The following EXTL3 variants were observed in gnomAD, a reference collection of about 807,000 sequenced individuals.
EXTL3 encodes the protein exostosin like glycosyltransferase 3, also known as exostosin-like 3.
In EXTL3, 27 loss-of-function variants were observed where a neutral mutation model predicts 69.3. The ratio of observed to expected loss-of-function variants is 0.39; its 90% CI spans 0.29 to 0.54. The LOEUF (loss-of-function observed/expected upper bound fraction) is 0.54. EXTL3 is among the 20% of genes least tolerant of loss of function. The pLI, the probability that EXTL3 is intolerant of heterozygous loss-of-function variation, is 0.69. For synonymous variants in EXTL3, 511 were observed against 499.4 expected (o/e 1.02, Z -0.31); for missense variants, 1,003 against 1,231.8 (o/e 0.81, Z 2.78).
intron 4 of EXTL3, among the ~76,000 whole-genome samples, chr8:28,736,201 C>T (rs1462594030): frequency 1.3e-5 from 2 of 152,050 alleles, no homozygotes; most frequent in African/African-American, 4.8e-5. Flanking sequence ...CTAAAAAAAC[C>T]CACCTAGAAG....
chr8:28,609,451 C>T (rs915591850), intron 2 of EXTL3, among the ~76,000 whole-genome samples: 2 of 151,768 alleles, frequency 1.3e-5, no homozygotes, highest in East Asian at 3.9e-4. Context: ...AAAAAGAAAT[C>T]TAGGGAAATT....
chr8:28,708,426 CT>C (rs71549693), intron 1 of EXTL3, among the ~76,000 whole-genome samples: 3,990 of 118,736 alleles, frequency 0.034, 177 homozygotes, highest in African/African-American at 0.11. Flanking sequence ...TGGGAAGTGC[CT>C]TTTTTTTTTT....
intron 1 of EXTL3, among the ~76,000 whole-genome samples, chr8:28,646,264 CTG>C (rs1441841362): frequency 2.6e-5 from 4 of 152,120 alleles, no homozygotes; most frequent in African/African-American, 9.7e-5. Context: ...AAATAAATAA[CTG>C]TTAATAGTTG....
intron 2 of EXTL3, among the ~76,000 whole-genome samples, chr8:28,609,854 C>T (rs1806248785): frequency 6.7e-6 from 1 of 149,664 alleles, no homozygotes; most frequent in African/African-American, 2.5e-5. Context: ...GGAGCTACTG[C>T]ACTCCAGCCT....
At chr8:28,675,048 TG>T (rs1260995034) in intron 1 of EXTL3, among the ~76,000 whole-genome samples, 1 of 152,152 alleles carries the variant, frequency 6.6e-6, no homozygotes, top group African/African-American at 2.4e-5. Flanking sequence ...TGCACTCCAC[TG>T]AACTACTTGA....
Position 28,716,182 on chromosome 8 carries a change from C to G in EXTL3, c.123C>G (p.Val41=). 8.1e-6 allele frequency: 13 copies of G among 1,614,180 alleles called. No homozygotes were observed. The highest frequency in any genetic ancestry group is 1.1e-5 in the Non-Finnish European group (13 of 1,180,040). Residue 41 remains valine (V), a synonymous_variant, in exon 3 of 7, where the codon GTC becomes GTG. Coordinates refer to ENST00000220562, the MANE Select transcript of EXTL3 (RefSeq NM_001440.4). This position sits in a 1 kb window ranked among gnomAD's most constrained non-coding sequence, Gnocchi z 7.1. ...WLSFTLFVIL[V]FFPLIAHYYL... Reference sequence around the variant, plus strand: ...GCTTCACGCTCTTTGTCATCCTGGTCTTCTTCCCGCTCATCGCCCACTATT... The same window carrying G: ...GCTTCACGCTCTTTGTCATCCTGGTGTTCTTCCCGCTCATCGCCCACTATT...
chr8:28,650,027 C>G (rs1461602747), intron 1 of EXTL3, among the ~76,000 whole-genome samples: 2 of 151,880 alleles, frequency 1.3e-5, no homozygotes, highest in Non-Finnish European at 2.9e-5. Context: ...GAAACCCCAT[C>G]TCTACTAAAA....
chr8:28,716,057 C>A lies in EXTL3; in HGVS notation c.-3C>A. On this transcript the variant is annotated 5_prime_UTR_variant, in exon 3 of 7. Coordinates refer to ENST00000220562, the MANE Select transcript of EXTL3 (RefSeq NM_001440.4). This position sits in a 1 kb window ranked among gnomAD's most constrained non-coding sequence, Gnocchi z 7.1. The stretch of plus-strand genomic sequence containing the variant: ...GATCTGGGGGGCAGGCTGCAGAGGA[C>A]TCATGACAGGCTATACCATGCTGCG... 1 of 1,601,136 alleles carries A rather than the reference C, an allele frequency of 6.2e-7. No homozygotes were observed. The highest frequency in any genetic ancestry group is 8.5e-7 in the Non-Finnish European group (1 of 1,176,514).
At chr8:28,742,758 G>A in intron 5 of EXTL3, 1 of 258,088 alleles carries the variant, frequency 3.9e-6, no homozygotes, top group African/African-American at 2.3e-5. Context: ...GCCATTGTTA[G>A]AGATAAAATA....
chr8:28,733,297 G>C (rs756740084), intron 4 of EXTL3, among the ~76,000 whole-genome samples: 1 of 151,870 alleles, frequency 6.6e-6, no homozygotes, highest in Non-Finnish European at 1.5e-5. Context: ...CCACATCTTC[G>C]TCAATGCTTG....
upstream of EXTL3, among the ~76,000 whole-genome samples, chr8:28,618,986 G>A (rs918957747): frequency 6.6e-6 from 1 of 151,202 alleles, no homozygotes; most frequent in African/African-American, 2.4e-5. Context: ...CAGCTACTAG[G>A]GAGGCTGAGG....
chr8:28,749,638 C>CATTCATTCATTCATTCATTCATTCATT (rs1343330300), intron 6 of EXTL3, among the ~76,000 whole-genome samples: 2 of 151,876 alleles, frequency 1.3e-5, no homozygotes, highest in African/African-American at 4.8e-5. Context: ...TTCATTCATT[C>CATTCATTCATTCATTCATTCATTCATT]ATTCATTCAT....
intron 3 of EXTL3, among the ~76,000 whole-genome samples, chr8:28,720,357 A>G (rs1434814207): frequency 1.3e-5 from 2 of 152,160 alleles, no homozygotes; most frequent in Non-Finnish European, 2.9e-5. Flanking sequence ...TCTACCCAGG[A>G]ACCTCCGTGC....
At chr8:28,634,022 A>G (rs1806614673) in intron 1 of EXTL3, among the ~76,000 whole-genome samples, 2 of 152,204 alleles carry the variant, frequency 1.3e-5, no homozygotes, top group Admixed American at 6.5e-5. Flanking sequence ...ACCCATGGAC[A>G]AGGCCTGTGC....
intron 1 of EXTL3, among the ~76,000 whole-genome samples, chr8:28,626,728 A>C (rs1806496858): frequency 6.6e-6 from 1 of 152,198 alleles, no homozygotes; most frequent in Non-Finnish European, 1.5e-5. Flanking sequence ...AATCAGCTCC[A>C]GGTGCAGTCT....
chr8:28,608,821 T>C (rs1806236515), intron 2 of EXTL3, among the ~76,000 whole-genome samples: 1 of 152,064 alleles, frequency 6.6e-6, no homozygotes, highest in Non-Finnish European at 1.5e-5. Context: ...ATTATGCCAC[T>C]GTTCTCCAGG....
chr8:28,708,431 T>G (rs1374136325), intron 1 of EXTL3, among the ~76,000 whole-genome samples: 1 of 151,424 alleles, frequency 6.6e-6, no homozygotes, highest in African/African-American at 2.4e-5. Flanking sequence ...AGTGCCTTTT[T>G]TTTTTTTTTT....
Position 28,717,792 on chromosome 8 carries a change from T to C in EXTL3, c.1733T>C (p.Val578Ala). ...ADNGDLDLGPVETEPPYASPR... is the reference protein window; with the variant it reads ...ADNGDLDLGPAETEPPYASPR... Reference sequence around the variant, plus strand: ...AACGGGGACCTGGACCTGGGGCCAGTGGAGACGGAGCCGCCCTACGCCTCA... The same window carrying C: ...AACGGGGACCTGGACCTGGGGCCAGCGGAGACGGAGCCGCCCTACGCCTCA... Residue 578 changes from valine to alanine, a missense_variant, in exon 3 of 7, where the codon GTG becomes GCG. Physicochemically the swap from Val to Ala is moderately conservative, Grantham distance 64 (BLOSUM62 0). This residue lies in a region of EXTL3 where 742 missense variants were observed against 815.4 expected (regional missense o/e 0.91). Transcript: ENST00000220562. The surrounding 1 kb of genome is among the most constrained non-coding windows in gnomAD (Gnocchi z 8.3). 8 of 1,613,404 alleles carry C rather than the reference T, an allele frequency of 5.0e-6. No individual in the cohort carries two copies. Among genetic ancestry groups the C allele is most frequent in the Non-Finnish European group, 6.8e-6 (8 of 1,179,452 alleles).
chr8:28,638,695 A>C (rs998602371), intron 1 of EXTL3, among the ~76,000 whole-genome samples: 8 of 152,138 alleles, frequency 5.3e-5, no homozygotes, highest in Non-Finnish European at 8.8e-5. Context: ...GCAGTGGTGC[A>C]ATCTCAGCTC....
Sources: allele counts gnomAD v4.1 joint callset (sites outside exome capture counted in the v4.1 genomes callset), GRCh38; gene constraint gnomAD v4.1.1; regional missense constraint gnomAD v4.1.1; non-coding constraint Gnocchi (gnomAD v3.1); transcripts MANE v1.5; gene names NCBI Gene and HGNC (gene_info 2026-07-23, HGNC 2026-07-21).